Variants in PTPRN2 observed in about 807,000 individuals in gnomAD.
PTPRN2 encodes the protein protein tyrosine phosphatase receptor type N2.
PTPRN2 carries 74 observed loss-of-function variants against 118.8 expected under a neutral mutation model. That is an observed-to-expected ratio of 0.62 (90% CI 0.52 to 0.76). The LOEUF is 0.76. PTPRN2 is among the 30% of genes least tolerant of loss of function. PTPRN2 has a pLI of 0.00. For missense variants in PTPRN2, 1,481 were observed against 1,394.4 expected (o/e 1.06, Z -0.99); for synonymous variants, 641 against 608.0 (o/e 1.05, Z -0.80).
chr7:157,636,607 T>C (rs1359914509), intron 14 of PTPRN2, among the ~76,000 whole-genome samples: 3 of 152,254 alleles, frequency 2.0e-5, no homozygotes, highest in East Asian at 1.9e-4. Flanking sequence ...TATTTACCCA[T>C]GGTATTTCAA....
At chr7:158,511,360 G>A (rs1823168944) in intron 1 of PTPRN2, among the ~76,000 whole-genome samples, 1 of 152,228 alleles carries the variant, frequency 6.6e-6, no homozygotes, top group Non-Finnish European at 1.5e-5. Context: ...GGATCGGACA[G>A]AGACTATGGA....
chr7:158,267,317 A>G (rs980123837), intron 3 of PTPRN2, among the ~76,000 whole-genome samples: 1 of 87,652 alleles, frequency 1.1e-5, no homozygotes, highest in Non-Finnish European at 2.8e-5. Context: ...CCCGCGGGGA[A>G]CCCCGGGGGC....
chr7:158,334,842 C>T (rs1321225720), intron 2 of PTPRN2, among the ~76,000 whole-genome samples: 1 of 43,576 alleles, frequency 2.3e-5, no homozygotes, highest in Non-Finnish European at 4.5e-5. Context: ...AGAGGTGACA[C>T]CTGCAGACGT....
At chr7:157,791,115 G>A (rs1804463144) in intron 12 of PTPRN2, among the ~76,000 whole-genome samples, 1 of 152,208 alleles carries the variant, frequency 6.6e-6, no homozygotes, top group Non-Finnish European at 1.5e-5. Flanking sequence ...GCATGTATGT[G>A]TATGAGAACA....
Position 158,138,259 on chromosome 7 carries a change from C to A in PTPRN2, c.1132+35G>T, listed in dbSNP as rs761493099. 4.4e-6 allele frequency: 7 copies of A among 1,594,026 alleles called. No individual in the cohort carries two copies. In the South Asian group the frequency reaches 7.8e-5, roughly 18 times the overall value. On this transcript the variant is annotated intron_variant, in intron 7 of 22. Transcript: ENST00000389418. Reference sequence around the variant, plus strand: ...CCTGAGGCCTCCCCTCCCCGCAGCACCCCTGGGTGTGGGCACCCATGGCGC... The same window carrying A: ...CCTGAGGCCTCCCCTCCCCGCAGCAACCCTGGGTGTGGGCACCCATGGCGC...
intron 3 of PTPRN2, among the ~76,000 whole-genome samples, chr7:158,262,458 TTC>T (rs1304808157): frequency 8.0e-6 from 1 of 125,756 alleles, no homozygotes; most frequent in East Asian, 2.5e-4. Flanking sequence ...CACACGCAGA[TTC>T]ACACACTGCA....
intron 11 of PTPRN2, among the ~76,000 whole-genome samples, chr7:158,006,595 C>A (rs1164990702): frequency 6.6e-6 from 1 of 152,226 alleles, no homozygotes; most frequent in Non-Finnish European, 1.5e-5. Flanking sequence ...AACCTCATTT[C>A]TTTGCAGCTG....
intron 2 of PTPRN2, among the ~76,000 whole-genome samples, chr7:158,451,979 C>A (rs1000801041): frequency 7.9e-5 from 12 of 152,126 alleles, no homozygotes; most frequent in Non-Finnish European, 2.9e-5. Flanking sequence ...TATGTATTTT[C>A]CAAATGTCTG....
intron 2 of PTPRN2, among the ~76,000 whole-genome samples, chr7:158,459,492 C>T (rs1478746205): frequency 6.6e-6 from 1 of 152,174 alleles, no homozygotes; most frequent in African/African-American, 2.4e-5. Flanking sequence ...CTCTGCACCA[C>T]CCCTACCTAT....
Position 158,110,835 on chromosome 7 carries a change from T to A in PTPRN2, c.1637A>T (p.Asp546Val). 6.3e-7 allele frequency: 1 copy of A among 1,585,526 alleles called. No homozygotes were observed. Among genetic ancestry groups the A allele is most frequent in the South Asian group, 1.2e-5 (1 of 86,954 alleles). ...CCCAGGGCCCCGTACTTACTCCACG[T>A]CAGCGAACGCACTGCTGGGCACCTG... The part of the protein sequence containing the change: ...LLQVPSSAFA[D>V]VEVLGPAVTF... Residue 546 changes from aspartate (D) to valine (V), a missense_variant, in exon 10 of 23, where the codon GAC becomes GTC. Physicochemically the swap from Asp to Val is radical, Grantham distance 152. This residue lies in a region of PTPRN2 where 1,115 missense variants were observed against 994.2 expected (regional missense o/e 1.12). Coordinates refer to ENST00000389418, the MANE Select transcript of PTPRN2 (RefSeq NM_002847.5).
intron 3 of PTPRN2, among the ~76,000 whole-genome samples, 173 bp downstream of exon 3, chr7:158,316,644 GGA>G (rs1418838483): frequency 6.6e-5 from 10 of 152,298 alleles, no homozygotes; most frequent in African/African-American, 2.4e-4. Context: ...ACCCAGGAAC[GGA>G]CGATCCCAGT....
At chr7:158,242,403 C>A (rs1795953223) in intron 3 of PTPRN2, among the ~76,000 whole-genome samples, 3 of 152,220 alleles carry the variant, frequency 2.0e-5, no homozygotes, top group Admixed American at 1.3e-4. Flanking sequence ...CTAAAGATTG[C>A]AATCAGTGGC....
chr7:157,890,073 G>GTT (rs200464420), intron 12 of PTPRN2, among the ~76,000 whole-genome samples: 55 of 145,380 alleles, frequency 3.8e-4, no homozygotes, highest in African/African-American at 7.6e-4. Context: ...TTTTAAGTCA[G>GTT]TTTTTTTTTT....
chr7:158,167,116 A>T lies in PTPRN2; in HGVS notation c.725T>A (p.Leu242Gln), dbSNP rs1475010349. 1 of 1,613,564 alleles carries T rather than the reference A, an allele frequency of 6.2e-7. No individual in the cohort carries two copies. Residue 242 changes from leucine (L) to glutamine (Q), a missense_variant, in exon 6 of 23, where the codon CTG becomes CAG. Leu to Gln is a moderately radical substitution (Grantham distance 113, BLOSUM62 -2). This residue lies in a region of PTPRN2 where 1,115 missense variants were observed against 994.2 expected (regional missense o/e 1.12). Coordinates refer to ENST00000389418, the MANE Select transcript of PTPRN2 (RefSeq NM_002847.5). ...KVDSGVDRHH[L>Q]MAALSAYAAQ... ...AGCATAGGCACTGAGGGCCGCCATC[A>T]GATGGTGTCTGTCCACACCACTGTC...
At chr7:157,621,216 C>T (rs560913738) in intron 15 of PTPRN2, 146 bp downstream of exon 15, 1,210 of 31,906 alleles carry the variant, frequency 0.038, 25 homozygotes, top group African/African-American at 0.12. Context: ...CTCCCGTCCC[C>T]GGGGCTGGTA....
At chr7:157,875,731 AG>A (rs1295906433) in intron 12 of PTPRN2, among the ~76,000 whole-genome samples, 3 of 150,288 alleles carry the variant, frequency 2.0e-5, no homozygotes, top group East Asian at 4.0e-4. Flanking sequence ...AGGCATCCCC[AG>A]GGGGGCACGG....
Position 157,550,940 on chromosome 7 carries a change from C to T in PTPRN2, c.2903-1921G>A, listed in dbSNP as rs2150466945. Among the ~76,000 whole-genome samples, 1 of 152,278 alleles carries T rather than the reference C, an allele frequency of 6.6e-6. No homozygotes were observed. The highest frequency in any genetic ancestry group is 6.5e-5 in the Admixed American group (1 of 15,300). On this transcript the variant is annotated intron_variant, in intron 21 of 22. Coordinates refer to ENST00000389418, the MANE Select transcript of PTPRN2 (RefSeq NM_002847.5). This position sits in a 1 kb window ranked among gnomAD's most constrained non-coding sequence, Gnocchi z 5.2. ...TCCATAAATTTAAAACAGCCTGACA[C>T]AAACGGGTGAGTTTGTGAAATGGTA...
At chr7:158,439,130 C>T (rs1407000831) in intron 2 of PTPRN2, among the ~76,000 whole-genome samples, 1 of 152,218 alleles carries the variant, frequency 6.6e-6, no homozygotes, top group African/African-American at 2.4e-5. Context: ...AGTCATCCCG[C>T]CTTACTGGAC....
intron 12 of PTPRN2, among the ~76,000 whole-genome samples, chr7:157,873,346 T>C (rs1811229129): frequency 6.6e-6 from 1 of 152,232 alleles, no homozygotes; most frequent in South Asian, 2.1e-4. Context: ...GGGATACGCT[T>C]CCCAGTTTGC....
Sources: gnomAD v4.1 joint callset for allele counts (sites outside exome capture counted in the v4.1 genomes callset) on GRCh38, gnomAD v4.1.1 for gene constraint, gnomAD v4.1.1 regional missense constraint, Gnocchi (gnomAD v3.1) non-coding constraint, MANE v1.5 for transcripts, NCBI Gene and HGNC (gene_info 2026-07-23, HGNC 2026-07-21) for gene names.